Variants in ZFAND6 observed in about 807,000 individuals in gnomAD.
The protein encoded by ZFAND6 is zinc finger AN1-type containing 6.
A neutral mutation model predicts 24.5 loss-of-function variants in ZFAND6; 12 were observed. The observed-to-expected ratio is 0.49, with a 90% CI of 0.31 to 0.79. ZFAND6 has a LOEUF of 0.79. ZFAND6 is among the 30% of genes least tolerant of loss of function. ZFAND6 has a pLI of 0.04. For synonymous variants in ZFAND6, 92 were observed against 81.5 expected, an observed-to-expected ratio of 1.13 and a Z score of -0.69; for missense variants, 207 against 245.9, an observed-to-expected ratio of 0.84 and a Z score of 1.06.
chr15:80,099,139 T>A (rs566778530), intron 2 of ZFAND6, among the ~76,000 whole-genome samples: 2 of 152,284 alleles, frequency 1.3e-5, no homozygotes, highest in South Asian at 4.1e-4. Context: ...GCCAATTTTA[T>A]TTTTTAAAGT....
At chr15:80,073,536 A>G (rs546825456) in intron 1 of ZFAND6, among the ~76,000 whole-genome samples, 2 of 152,070 alleles carry the variant, frequency 1.3e-5, no homozygotes, top group Admixed American at 1.3e-4. Flanking sequence ...ATTTTCAGCC[A>G]TTGTATTTGC....
At chr15:80,118,672 C>T (rs1423912730) in intron 2 of ZFAND6, among the ~76,000 whole-genome samples, 1 of 152,032 alleles carries the variant, frequency 6.6e-6, no homozygotes, top group African/African-American at 2.4e-5. Context: ...TCTGAAATGA[C>T]TTGTCATCAT....
chr15:80,090,276 A>C (rs1413201091), intron 1 of ZFAND6, among the ~76,000 whole-genome samples: 2 of 151,900 alleles, frequency 1.3e-5, no homozygotes, highest in Non-Finnish European at 2.9e-5. Flanking sequence ...AGTGACCACA[A>C]CTCTGTCAGA....
intron 2 of ZFAND6, among the ~76,000 whole-genome samples, chr15:80,118,225 C>G (rs1349696912): frequency 6.6e-6 from 1 of 152,198 alleles, no homozygotes; most frequent in South Asian, 2.1e-4. Flanking sequence ...CAGGTTCAAG[C>G]GATCCTCCTG....
At chr15:80,110,070 A>G (rs921300135) in intron 2 of ZFAND6, among the ~76,000 whole-genome samples, 1 of 152,210 alleles carries the variant, frequency 6.6e-6, no homozygotes, top group African/African-American at 2.4e-5. Flanking sequence ...TTCTCTGTGA[A>G]ATGGCCCTCA....
chr15:80,104,090 C>T (rs1341383568), intron 2 of ZFAND6, among the ~76,000 whole-genome samples: 1 of 152,168 alleles, frequency 6.6e-6, no homozygotes, highest in Admixed American at 6.5e-5. Context: ...AATCCTCTCG[C>T]CTTGGTCTCC....
At position 80,106,180 on chromosome 15, in the gene ZFAND6, A is replaced by G. The variant is rs115177184; in HGVS notation, c.-18+7602A>G. Among the ~76,000 whole-genome samples the G allele has an allele frequency of 3.3e-3, 498 of 152,344 alleles. 4 individuals are homozygous for G. The highest frequency in any genetic ancestry group is 0.011 in the African/African-American group (476 of 41,584). On this transcript the variant is annotated intron_variant, in intron 2 of 6. Transcript: ENST00000261749. ...CTATGACAAAAGAAAGTACTTGCTT[A>G]TAGTCATGGAATTTTGCTATGTCTT...
intron 1 of ZFAND6, among the ~76,000 whole-genome samples, chr15:80,085,890 G>A (rs1172409961): frequency 6.6e-6 from 1 of 151,890 alleles, no homozygotes; most frequent in East Asian, 1.9e-4. Context: ...CCTTTTTTAT[G>A]TTTAGATACA....
chr15:80,062,599 T>C (rs2036394648), intron 1 of ZFAND6, among the ~76,000 whole-genome samples: 2 of 152,222 alleles, frequency 1.3e-5, no homozygotes, highest in Admixed American at 6.5e-5. Flanking sequence ...TTTGAAGGCA[T>C]GGGAGTAGAG....
Position 80,059,950 on chromosome 15 carries a change from G to C in ZFAND6, c.-181+141G>C, listed in dbSNP as rs1232342121. 5 of 151,042 alleles carry C rather than the reference G, an allele frequency of 3.3e-5. No individual in the cohort carries two copies. In the South Asian group the frequency reaches 6.2e-4, roughly 19 times the overall value. 9.4% of individuals were successfully genotyped at this position (151,042 alleles called of 1,614,324 possible). A position where few individuals can be genotyped will look rare whatever the true frequency, so the allele number is the denominator to read the frequency against. ...CGAGAGCCGGAAGCGGAGGGCGGCC[G>C]GCCGGCGCAGCAGGTGGTGGGCCCG... On this transcript the variant is annotated intron_variant, in intron 1 of 6. Coordinates refer to ENST00000261749, the MANE Select transcript of ZFAND6 (RefSeq NM_019006.4).
At chr15:80,085,513 C>G (rs1307339930) in intron 1 of ZFAND6, among the ~76,000 whole-genome samples, 2 of 152,196 alleles carry the variant, frequency 1.3e-5, no homozygotes, top group Middle Eastern at 3.2e-3. Flanking sequence ...AGTTCCACTT[C>G]TGAACTTTTC....
chr15:80,134,803 G>C (rs1220187598), intron 6 of ZFAND6, among the ~76,000 whole-genome samples: 1 of 91,444 alleles, frequency 1.1e-5, no homozygotes, highest in Non-Finnish European at 2.8e-5. Context: ...TAGAAAAAGA[G>C]AAAAAGCGTG....
At chr15:80,078,418 A>G (rs1458791940) in intron 1 of ZFAND6, among the ~76,000 whole-genome samples, 2 of 152,262 alleles carry the variant, frequency 1.3e-5, no homozygotes, top group South Asian at 4.1e-4. Flanking sequence ...ACAGTATCCC[A>G]TAATGTATAT....
intron 1 of ZFAND6, among the ~76,000 whole-genome samples, chr15:80,069,364 G>T (rs1260540914): frequency 6.6e-6 from 1 of 152,072 alleles, no homozygotes; most frequent in Non-Finnish European, 1.5e-5. Context: ...TATCCCTTGA[G>T]ACCTAAAACA....
chr15:80,131,825 G>A (rs1003982397), intron 6 of ZFAND6, among the ~76,000 whole-genome samples: 1 of 152,214 alleles, frequency 6.6e-6, no homozygotes, highest in Non-Finnish European at 1.5e-5. Context: ...TACATGAAGT[G>A]CAGTCAGATT....
intron 2 of ZFAND6, among the ~76,000 whole-genome samples, chr15:80,114,068 G>A (rs920513006): frequency 4.6e-5 from 7 of 152,148 alleles, no homozygotes; most frequent in African/African-American, 1.7e-4. Flanking sequence ...CCAAGAGTGA[G>A]CATGATTTGT....
At chr15:80,127,640 A>G (rs984065172) in intron 5 of ZFAND6, among the ~76,000 whole-genome samples, 1 of 150,572 alleles carries the variant, frequency 6.6e-6, no homozygotes, top group African/African-American at 2.4e-5. Context: ...ATTAGATATG[A>G]GGGAAATGGA....
At chr15:80,094,863 C>T (rs1030778674) in intron 1 of ZFAND6, among the ~76,000 whole-genome samples, 1 of 151,998 alleles carries the variant, frequency 6.6e-6, no homozygotes, top group African/African-American at 2.4e-5. Context: ...CAACCTCTGC[C>T]TCCCAGGTTC....
At position 80,068,907 on chromosome 15, in the gene ZFAND6, G is replaced by A. The variant is rs146885598; in HGVS notation, c.-181+9098G>A. On this transcript the variant is annotated intron_variant, in intron 1 of 6. Transcript: ENST00000261749. ...TTTTATTTACTGTGGTATCTTCAGC[G>A]CATAACAGACGTTCAAAAGATTTGG... is the stretch of plus-strand genomic sequence containing the variant. Among the ~76,000 whole-genome samples, 1,060 of 152,314 alleles carry A rather than the reference G, an allele frequency of 7.0e-3. 17 individuals carry two copies. The highest frequency in any genetic ancestry group is 0.023 in the African/African-American group (954 of 41,578).
Sources: gnomAD v4.1 joint callset for allele counts (sites outside exome capture counted in the v4.1 genomes callset) on GRCh38, gnomAD v4.1.1 for gene constraint, MANE v1.5 for transcripts, NCBI Gene and HGNC (gene_info 2026-07-23, HGNC 2026-07-21) for gene names.